Variants in SPAG6 observed in about 807,000 individuals in gnomAD.
SPAG6 encodes the protein sperm-associated antigen 6.
SPAG6 carries 49 observed loss-of-function variants against 58.5 expected under a neutral mutation model. That is an observed-to-expected ratio of 0.84 (90% CI 0.67 to 1.06). The LOEUF (loss-of-function observed/expected upper bound fraction) is 1.06. Among genes scored for constraint, SPAG6 ranks in the 50% least tolerant of loss-of-function variants. The pLI, the probability that SPAG6 is intolerant of heterozygous loss-of-function variation, is 0.00. For synonymous variants in SPAG6, 233 were observed against 225.6 expected (o/e 1.03, Z -0.29); for missense variants, 560 against 611.3 (o/e 0.92, Z 0.89).
intron 7 of SPAG6, among the ~76,000 whole-genome samples, chr10:22,389,794 C>T (rs1036630943): frequency 6.6e-6 from 1 of 152,158 alleles, no homozygotes; most frequent in Non-Finnish European, 1.5e-5. Context: ...TATTTCTCTT[C>T]TTAGATTTAG....
intron 2 of SPAG6, chr10:22,361,419 G>A (rs1163944842): frequency 6.6e-6 from 1 of 152,396 alleles, no homozygotes; most frequent in Admixed American, 6.5e-5. Flanking sequence ...ATTCCAGCCA[G>A]GTGTGGTGGC....
chr10:22,383,176 G>A (rs1174128668), intron 4 of SPAG6, among the ~76,000 whole-genome samples: 1 of 152,184 alleles, frequency 6.6e-6, no homozygotes, highest in African/African-American at 2.4e-5. Flanking sequence ...GAGCATCTAA[G>A]TTGGTACATA....
At chr10:22,371,022 C>A (rs11012968) in intron 4 of SPAG6, among the ~76,000 whole-genome samples, 1 of 152,086 alleles carries the variant, frequency 6.6e-6, no homozygotes, top group South Asian at 2.1e-4. Context: ...AGTTCATAAA[C>A]AGGATCTGTC....
Position 22,348,760 on chromosome 10 carries a change from T to G in SPAG6, c.121+2942T>G, listed in dbSNP as rs142796002. On this transcript the variant is annotated intron_variant, in intron 2 of 10. Transcript: ENST00000376624. ...TTTGCTTTATTAAATATGTCCAAAG[T>G]AATTGCCAAAGCAGACAAAGTATGT... Among the ~76,000 whole-genome samples, 30 of 152,354 alleles carry G rather than the reference T, an allele frequency of 2.0e-4. No homozygotes were observed. The East Asian group carries it at 5.6e-3, about 28-fold the overall frequency.
At chr10:22,407,697 T>A (rs1298217226) in intron 9 of SPAG6, among the ~76,000 whole-genome samples, 1 of 152,188 alleles carries the variant, frequency 6.6e-6, no homozygotes, top group Non-Finnish European at 1.5e-5. Flanking sequence ...CTTGCTAGAT[T>A]GGGGAAGTTC....
At chr10:22,379,436 T>TCAAAA (rs1833900713) in intron 4 of SPAG6, among the ~76,000 whole-genome samples, 1 of 152,254 alleles carries the variant, frequency 6.6e-6, no homozygotes, top group East Asian at 1.9e-4. Context: ...TTTATAATCT[T>TCAAAA]GAGTCTTCTC....
rs150399088 is a variant in SPAG6 at position 22,374,812 on chromosome 10, G to C, written c.472+6134G>C. Among the ~76,000 whole-genome samples the C allele has an allele frequency of 3.5e-3, 524 of 151,462 alleles. 2 individuals are homozygous for C. The highest frequency in any genetic ancestry group is 0.012 in the African/African-American group (508 of 41,320). On this transcript the variant is annotated intron_variant, in intron 4 of 10. Coordinates refer to ENST00000376624, the MANE Select transcript of SPAG6 (RefSeq NM_012443.4). Reference sequence around the variant, plus strand: ...AGATGAATTTTGAGTTACCTTTTTTGTACAGTGGCAAAAAAGAGGAATCTT... The same window carrying C: ...AGATGAATTTTGAGTTACCTTTTTTCTACAGTGGCAAAAAAGAGGAATCTT...
At chr10:22,409,547 C>T (rs1237580919) in intron 9 of SPAG6, among the ~76,000 whole-genome samples, 1 of 152,074 alleles carries the variant, frequency 6.6e-6, no homozygotes, top group Non-Finnish European at 1.5e-5. Flanking sequence ...TTTCAATGTA[C>T]TAGACTTGGA....
intron 3 of SPAG6, among the ~76,000 whole-genome samples, chr10:22,367,083 T>G (rs778554877): frequency 1.3e-4 from 19 of 151,734 alleles, no homozygotes; most frequent in Non-Finnish European, 2.1e-4. Flanking sequence ...AAGTGAAAAT[T>G]AGGAGAAAGA....
intron 9 of SPAG6, among the ~76,000 whole-genome samples, chr10:22,408,999 G>C (rs1008393959): frequency 1.3e-5 from 2 of 152,096 alleles, no homozygotes; most frequent in African/African-American, 4.8e-5. Context: ...TTCGGCTCGC[G>C]CACCCACTGA....
chr10:22,382,729 A>C (rs573168541), intron 4 of SPAG6, among the ~76,000 whole-genome samples: 1 of 152,326 alleles, frequency 6.6e-6, no homozygotes, highest in South Asian at 2.1e-4. Context: ...TTTCTGCTAT[A>C]TTAAAAATTA....
chr10:22,368,016 A>C (rs1450228624), intron 3 of SPAG6, among the ~76,000 whole-genome samples: 1 of 152,172 alleles, frequency 6.6e-6, no homozygotes, highest in Non-Finnish European at 1.5e-5. Context: ...ATAATTTAGG[A>C]CACCAGAAAG....
intron 10 of SPAG6, chr10:22,412,379 A>T: frequency 1.2e-6 from 1 of 840,092 alleles, no homozygotes; most frequent in Non-Finnish European, 1.9e-6. Flanking sequence ...TGGTAACATT[A>T]ATTTTAAAAG....
At chr10:22,366,706 T>C (rs895875466) in intron 3 of SPAG6, among the ~76,000 whole-genome samples, 2 of 152,226 alleles carry the variant, frequency 1.3e-5, no homozygotes, top group African/African-American at 4.8e-5. Context: ...TTGTGGATAT[T>C]CCTTCTATCA....
At chr10:22,370,752 T>C (rs1486651741) in intron 4 of SPAG6, among the ~76,000 whole-genome samples, 1 of 152,210 alleles carries the variant, frequency 6.6e-6, no homozygotes, top group Admixed American at 6.5e-5. Flanking sequence ...TCCAAAAAGG[T>C]TCACCTTAAG....
chr10:22,366,458 G>T (rs1837205141), intron 3 of SPAG6, among the ~76,000 whole-genome samples: 1 of 152,174 alleles, frequency 6.6e-6, no homozygotes, highest in African/African-American at 2.4e-5. Flanking sequence ...TTGTTGGGTT[G>T]ATGATAATAG....
At chr10:22,406,678 A>G (rs1564380531) in intron 9 of SPAG6, among the ~76,000 whole-genome samples, 1 of 152,100 alleles carries the variant, frequency 6.6e-6, no homozygotes, top group Admixed American at 6.5e-5. Flanking sequence ...GCTGAGTTCA[A>G]TTCCTGGGTT....
At chr10:22,401,330 T>C (rs922840860) in intron 9 of SPAG6, 53 bp downstream of exon 9, 2 of 967,282 alleles carry the variant, frequency 2.1e-6, no homozygotes, top group Non-Finnish European at 3.3e-6. Context: ...GATTTGTTGT[T>C]ATTTTTTTTT....
intron 3 of SPAG6, among the ~76,000 whole-genome samples, chr10:22,367,009 G>T (rs11012966): frequency 0.059 from 8,411 of 143,776 alleles, 786 homozygotes; most frequent in African/African-American, 0.2. Context: ...GTTTTGCTGG[G>T]TTTTTTTTTT....
Sources: allele counts gnomAD v4.1 joint callset (sites outside exome capture counted in the v4.1 genomes callset), GRCh38; gene constraint gnomAD v4.1.1; transcripts MANE v1.5; gene names NCBI Gene and HGNC (gene_info 2026-07-23, HGNC 2026-07-21).